The following PTPRD variants were observed in gnomAD, a reference collection of about 807,000 sequenced individuals.
PTPRD encodes receptor-type tyrosine-protein phosphatase delta.
A neutral mutation model predicts 214.5 loss-of-function variants in PTPRD; 34 were observed. That is an observed-to-expected ratio of 0.16 (90% CI 0.12 to 0.21). The LOEUF (loss-of-function observed/expected upper bound fraction) is 0.21. PTPRD is among the 10% of genes least tolerant of loss of function. The pLI, the probability that PTPRD is intolerant of heterozygous loss-of-function variation, is 1.00. For synonymous variants in PTPRD, 1,128 were observed against 845.7 expected, an observed-to-expected ratio of 1.33 and a Z score of -5.79; for missense variants, 2,545 against 2,398.7, an observed-to-expected ratio of 1.06 and a Z score of -1.27.
At position 8,584,600 on chromosome 9, in the gene PTPRD, A is replaced by G. The variant is rs555972792; in HGVS notation, c.352+48717T>C. Reference sequence around the variant, plus strand: ...CTATCATTCATGCACTCATGCTTTCATACACATTTAATTATGTATTATTTT... The same window carrying G: ...CTATCATTCATGCACTCATGCTTTCGTACACATTTAATTATGTATTATTTT... On this transcript the variant is annotated intron_variant, in intron 14 of 45. Transcript: ENST00000381196. 7.9e-5 allele frequency among the ~76,000 whole-genome samples: 12 copies of G among 152,332 alleles called. No homozygotes were observed. The South Asian group carries it at 2.5e-3, about 32-fold the overall frequency.
chr9:9,236,771 C>A (rs1160870143), intron 9 of PTPRD, among the ~76,000 whole-genome samples: 5 of 151,790 alleles, frequency 3.3e-5, no homozygotes, highest in Non-Finnish European at 5.9e-5. Flanking sequence ...GTGCAGGCAG[C>A]CAACCATAAG....
intron 2 of PTPRD, among the ~76,000 whole-genome samples, chr9:10,556,742 A>G (rs1393818892): frequency 1.3e-5 from 2 of 152,110 alleles, no homozygotes; most frequent in African/African-American, 4.8e-5. Context: ...GGGCAGATAA[A>G]TGGATTAAAA....
chr9:10,479,815 C>T (rs1201096179), intron 2 of PTPRD, among the ~76,000 whole-genome samples: 2 of 151,984 alleles, frequency 1.3e-5, no homozygotes, highest in East Asian at 1.9e-4. Context: ...GGTGAGATCC[C>T]ATCTTAGAAA....
intron 11 of PTPRD, among the ~76,000 whole-genome samples, chr9:8,872,045 C>G (rs1027534693): frequency 6.6e-6 from 1 of 152,166 alleles, no homozygotes; most frequent in African/African-American, 2.4e-5. Flanking sequence ...TTCCCTTTCT[C>G]TCATAGAACA....
chr9:10,184,219 G>A (rs924879669), intron 3 of PTPRD, among the ~76,000 whole-genome samples: 6 of 152,044 alleles, frequency 3.9e-5, no homozygotes, highest in African/African-American at 1.4e-4. Context: ...GATGTCAGGG[G>A]TTCGAGACCA....
chr9:10,446,027 G>A (rs1339789599), intron 2 of PTPRD, among the ~76,000 whole-genome samples: 1 of 151,978 alleles, frequency 6.6e-6, no homozygotes, highest in African/African-American at 2.4e-5. Context: ...ATTCAGTAAA[G>A]ATTCTTAACA....
intron 3 of PTPRD, among the ~76,000 whole-genome samples, chr9:10,179,258 C>CA (rs1394407358): frequency 1.6e-4 from 24 of 151,742 alleles, no homozygotes; most frequent in Non-Finnish European, 3.0e-4. Flanking sequence ...TAAAAGAAAA[C>CA]AATTAAATTT....
intron 2 of PTPRD, among the ~76,000 whole-genome samples, chr9:10,411,006 A>G (rs2098428671): frequency 6.6e-6 from 1 of 151,750 alleles, no homozygotes; most frequent in Non-Finnish European, 1.5e-5. Context: ...TAAATAAGAA[A>G]ATTTGAGTCA....
intron 10 of PTPRD, among the ~76,000 whole-genome samples, chr9:9,142,157 T>C (rs1203297676): frequency 2.0e-5 from 3 of 152,230 alleles, no homozygotes; most frequent in African/African-American, 7.2e-5. Flanking sequence ...GCTCTTTGAA[T>C]GCAGGCTCAT....
intron 8 of PTPRD, among the ~76,000 whole-genome samples, chr9:9,493,563 C>A (rs1260806230): frequency 1.3e-5 from 2 of 151,928 alleles, no homozygotes; most frequent in African/African-American, 4.8e-5. Flanking sequence ...CCGAGGCAGG[C>A]AGATCACAAG....
Position 10,504,115 on chromosome 9 carries a change from CAAAAAAAAAAA to C in PTPRD, c.-600+108272_-600+108282del, listed in dbSNP as rs71332747. ...TGGGGCACAGAGCGAGACTCTGTCT[CAAAAAAAAAAA>C]AAAAAAAAAAAAAAAGATGTACGGG... On this transcript the variant is annotated intron_variant, in intron 2 of 45. Transcript: ENST00000381196. 1.6e-3 allele frequency among the ~76,000 whole-genome samples: 42 copies of C among 26,964 alleles called. 1 individual carries two copies. The highest frequency in any genetic ancestry group is 6.5e-3 in the African/African-American group (36 of 5,548). 17.7% of individuals were successfully genotyped at this position (26,964 alleles called of 152,430 possible).
chr9:10,384,432 T>C (rs765388342), intron 2 of PTPRD, among the ~76,000 whole-genome samples: 1 of 151,662 alleles, frequency 6.6e-6, no homozygotes, highest in Admixed American at 6.6e-5. Flanking sequence ...TGATCAAAAA[T>C]AATAAAAAAT....
intron 3 of PTPRD, among the ~76,000 whole-genome samples, chr9:10,131,760 G>A (rs2098888379): frequency 6.6e-6 from 1 of 152,074 alleles, no homozygotes; most frequent in African/African-American, 2.4e-5. Flanking sequence ...CATGGAAGAT[G>A]TACTACTTCA....
At chr9:8,334,575 C>G (rs1844779026) in intron 43 of PTPRD, among the ~76,000 whole-genome samples, 1 of 131,586 alleles carries the variant, frequency 7.6e-6, no homozygotes, top group Non-Finnish European at 1.6e-5. Context: ...TAAATGCCCA[C>G]AAGAGAAAGC....
chr9:8,690,222 T>C lies in PTPRD; in HGVS notation c.64+43558A>G, dbSNP rs2097774290. Among the ~76,000 whole-genome samples the C allele has an allele frequency of 2.0e-5, 3 of 152,134 alleles. No individual in the cohort carries two copies. In the South Asian group the frequency reaches 6.2e-4, roughly 32 times the overall value. ...TTCACATATATGACTTTACATAATTTTCTTCTTTAAAATATTTAGATTTGG... is the reference window on the plus strand; with the variant it reads ...TTCACATATATGACTTTACATAATTCTCTTCTTTAAAATATTTAGATTTGG... On this transcript the variant is annotated intron_variant, in intron 12 of 45. Transcript: ENST00000381196.
At chr9:10,578,207 G>C (rs2070255465) in intron 2 of PTPRD, among the ~76,000 whole-genome samples, 1 of 151,994 alleles carries the variant, frequency 6.6e-6, no homozygotes, top group Non-Finnish European at 1.5e-5. Context: ...ACCACACCCA[G>C]CCCATTACAA....
chr9:8,988,631 GA>G (rs1443427772), intron 11 of PTPRD, among the ~76,000 whole-genome samples: 1 of 152,012 alleles, frequency 6.6e-6, no homozygotes, highest in Non-Finnish European at 1.5e-5. Flanking sequence ...AATTTACATA[GA>G]AATGATTTAA....
At chr9:9,590,915 G>A (rs906603124) in intron 7 of PTPRD, among the ~76,000 whole-genome samples, 7 of 152,000 alleles carry the variant, frequency 4.6e-5, no homozygotes, top group African/African-American at 1.7e-4. Flanking sequence ...GTGTTTTGGA[G>A]GAACAGAAGA....
At chr9:9,957,830 C>T (rs1045000867) in intron 4 of PTPRD, among the ~76,000 whole-genome samples, 2 of 148,960 alleles carry the variant, frequency 1.3e-5, no homozygotes, top group Non-Finnish European at 3.0e-5. Flanking sequence ...GTTGGTGAAA[C>T]AAAAGATACA....
Sources: gnomAD v4.1 joint callset for allele counts (sites outside exome capture counted in the v4.1 genomes callset) on GRCh38, gnomAD v4.1.1 for gene constraint, MANE v1.5 for transcripts, NCBI Gene and HGNC (gene_info 2026-07-23, HGNC 2026-07-21) for gene names.